The following GIT2 variants were observed in gnomAD, a reference collection of about 807,000 sequenced individuals.
The protein encoded by GIT2 is ARF GTPase-activating protein GIT2.
GIT2 carries 32 observed loss-of-function variants against 100.3 expected under a neutral mutation model. That is an observed-to-expected ratio of 0.32 (90% confidence interval 0.24 to 0.43). The LOEUF is 0.43. Ranked by LOEUF, GIT2 falls within the 20% of genes least tolerant of loss-of-function variation. GIT2 has a pLI of 1.00. For missense variants in GIT2, 737 were observed against 975.1 expected (o/e 0.76, Z 3.25); for synonymous variants, 353 against 364.1 (o/e 0.97, Z 0.35).
At chr12:109,968,789 C>T (rs527914343) in intron 7 of GIT2, among the ~76,000 whole-genome samples, 3 of 151,400 alleles carry the variant, frequency 2.0e-5, no homozygotes, top group Non-Finnish European at 2.9e-5. Flanking sequence ...GCGTGGATCT[C>T]GGCTCACTGG....
chr12:109,956,655 C>G (rs1879560988), intron 12 of GIT2, among the ~76,000 whole-genome samples: 1 of 152,184 alleles, frequency 6.6e-6, no homozygotes, highest in Non-Finnish European at 1.5e-5. Flanking sequence ...GGTATACTCA[C>G]TTGTACACAC....
rs1872183695 is a variant in GIT2 at position 109,933,707 on chromosome 12, T to A, written c.2067+315A>T. 1 of 277,316 alleles carries A rather than the reference T, an allele frequency of 3.6e-6. No homozygotes were observed. The highest frequency in any genetic ancestry group is 2.2e-5 in the African/African-American group (1 of 45,158). 17.2% of individuals were successfully genotyped at this position (277,316 alleles called of 1,614,324 possible). A position where few individuals can be genotyped will look rare whatever the true frequency, so the allele number is the denominator to read the frequency against. Reference sequence around the variant, plus strand: ...ACCTCCGCCTCCTGGGTTCAAGCGATTCTCCTGCTTCAGCCTCCTGAGTAG... The same window carrying A: ...ACCTCCGCCTCCTGGGTTCAAGCGAATCTCCTGCTTCAGCCTCCTGAGTAG... On this transcript the variant is annotated intron_variant, in intron 19 of 19. Transcript: ENST00000355312. The surrounding 1 kb of genome is among the most constrained non-coding windows in gnomAD (Gnocchi z 4.5).
chr12:109,993,408 G>C (rs536514669), intron 1 of GIT2, among the ~76,000 whole-genome samples: 2 of 152,254 alleles, frequency 1.3e-5, no homozygotes, highest in South Asian at 4.1e-4. Flanking sequence ...ACCATATAAT[G>C]AAAAGTTATG....
rs758166063 is a variant in GIT2, at chr12:109,945,270, C to G, written c.1721G>C (p.Ser574Thr). The G allele has an allele frequency of 6.5e-7, 1 of 1,543,424 alleles. No homozygotes were observed. ...PSTLSWSRDE[S>T]ARRASRLEKQ... ...CAGAATGTACTTAACCCTTCGGGCG[C>G]TTTCGTCCCTCGACCAGGAAAGTGT... The change falls in exon 16 of 20, where the codon AGC becomes ACC. Residue 574 changes from serine to threonine, a missense_variant. Physicochemically the swap from Ser to Thr is moderately conservative, Grantham distance 58. Around this residue, in one of 3 missense-constraint regions of GIT2, gnomAD observed 451 missense variants for 543.7 expected, o/e 0.83. Coordinates refer to ENST00000355312, the MANE Select transcript of GIT2 (RefSeq NM_057169.5).
intron 1 of GIT2, 70 bp downstream of exon 1, chr12:109,996,103 G>A: frequency 9.9e-7 from 1 of 1,010,558 alleles, no homozygotes; most frequent in Non-Finnish European, 1.4e-6. Flanking sequence ...CCTGACCTGA[G>A]GGGGCGGCCC....
At chr12:109,998,872 C>T (rs1889779596), upstream of GIT2, 1 of 152,200 alleles carries the variant, frequency 6.6e-6, no homozygotes, top group African/African-American at 2.4e-5. Context: ...CAGCATCCTA[C>T]AAGGACCGGA....
upstream of GIT2, chr12:109,998,664 T>TA (rs1485666717): frequency 6.6e-6 from 1 of 152,174 alleles, no homozygotes; most frequent in Non-Finnish European, 1.5e-5. Flanking sequence ...AAAGCTAGCT[T>TA]AAAAATGACA....
chr12:109,959,710 A>T (rs939520017), intron 12 of GIT2, 137 bp downstream of exon 12: 14 of 626,988 alleles, frequency 2.2e-5, no homozygotes, highest in Non-Finnish European at 4.0e-5. Flanking sequence ...CGGAACTTAA[A>T]GTAAAAAAAC....
intron 4 of GIT2, among the ~76,000 whole-genome samples, chr12:109,984,349 C>T (rs1247818433): frequency 1.3e-5 from 2 of 151,866 alleles, no homozygotes; most frequent in Non-Finnish European, 2.9e-5. Flanking sequence ...GCAGTGGAGG[C>T]TGCAGTGAGC....
intron 12 of GIT2, among the ~76,000 whole-genome samples, chr12:109,956,753 A>T (rs1324209882): frequency 6.6e-6 from 1 of 152,208 alleles, no homozygotes; most frequent in Non-Finnish European, 1.5e-5. Flanking sequence ...ATGGTGGCTC[A>T]TGCCTGTAAT....
chr12:109,976,657 C>T (rs567868713), intron 7 of GIT2, among the ~76,000 whole-genome samples: 3 of 149,346 alleles, frequency 2.0e-5, no homozygotes, highest in Non-Finnish European at 4.4e-5. Flanking sequence ...GGCACGATCT[C>T]GGCTCACTGT....
rs541494485 is a variant in GIT2 at position 109,996,264 on chromosome 12, G to A, written c.-40C>T. ...ACCTGCGGGGAACTAGAGGCCGGGG[G>A]ACAGCAAAGGCGGCGGTGGCGGCGG... is the stretch of plus-strand genomic sequence containing the variant. On this transcript the variant is annotated 5_prime_UTR_variant, in exon 1 of 20. Coordinates refer to ENST00000355312, the MANE Select transcript of GIT2 (RefSeq NM_057169.5). 98 of 1,433,970 alleles carry A rather than the reference G, an allele frequency of 6.8e-5. No homozygotes were observed. The South Asian group carries it at 1.1e-3, about 17-fold the overall frequency. The allele number at this position is 1,433,970 out of a possible 1,614,324, so 88.8% of individuals were successfully genotyped here.
At chr12:109,980,886 T>C (rs1348813071) in intron 7 of GIT2, 66 bp downstream of exon 7, 2 of 931,910 alleles carry the variant, frequency 2.1e-6, no homozygotes, top group South Asian at 1.3e-5. Flanking sequence ...ACAAATAGTG[T>C]CCCAACTTGT....
chr12:109,992,707 T>C (rs1888651969), intron 1 of GIT2, among the ~76,000 whole-genome samples: 1 of 152,182 alleles, frequency 6.6e-6, no homozygotes, highest in African/African-American at 2.4e-5. Flanking sequence ...AGTCTCACTC[T>C]GTCCCCTAGG....
chr12:109,938,480 G>T lies in GIT2; in HGVS notation c.1903C>A (p.Pro635Thr). 1 of 1,613,706 alleles carries T rather than the reference G, an allele frequency of 6.2e-7. No individual in the cohort carries two copies. Among genetic ancestry groups the T allele is most frequent in the Non-Finnish European group, 8.5e-7 (1 of 1,179,672 alleles). ...DTAEPHVAPS[P>T]TLPSTEDVIR... ...ACATCTTCGGTGCTAGGGAGAGTGG[G>T]GCTTGGGGCCACATGGGGTTCTGCT... is the stretch of plus-strand genomic sequence containing the variant. The change falls in exon 18 of 20, where the codon CCC becomes ACC. Residue 635 changes from proline (P) to threonine (T), a missense_variant. Pro to Thr is a conservative substitution (Grantham distance 38). This residue lies in a region of GIT2 where 451 missense variants were observed against 543.7 expected (regional missense o/e 0.83). Coordinates refer to ENST00000355312, the MANE Select transcript of GIT2 (RefSeq NM_057169.5).
At chr12:109,966,933 T>G (rs1488612680) in intron 8 of GIT2, among the ~76,000 whole-genome samples, 1 of 152,202 alleles carries the variant, frequency 6.6e-6, no homozygotes, top group Non-Finnish European at 1.5e-5. Flanking sequence ...AAAAACAATA[T>G]TTCATAACGT....
intron 16 of GIT2, chr12:109,940,603 G>C (rs930966911): frequency 6.6e-6 from 1 of 152,176 alleles, no homozygotes; most frequent in Admixed American, 6.5e-5. Context: ...TACATGGCCA[G>C]GTGCGGTGGC....
intron 15 of GIT2, among the ~76,000 whole-genome samples, chr12:109,946,035 G>A (rs1019076414): frequency 1.3e-5 from 2 of 152,112 alleles, no homozygotes; most frequent in Non-Finnish European, 2.9e-5. Flanking sequence ...TCAGGAGGCT[G>A]AGGCAGGAGA....
Position 109,948,796 on chromosome 12 carries a change from T to C in GIT2, c.1393-1292A>G. 1.3e-6 allele frequency: 2 copies of C among 1,598,476 alleles called. No individual in the cohort carries two copies. The highest frequency in any genetic ancestry group is 1.7e-6 in the Non-Finnish European group (2 of 1,174,862). Reference sequence around the variant, plus strand: ...TTAGAAAGCACCAATCTGTGAAAAATACACCAATAGTAGTTGCTCCTCTTC... The same window carrying C: ...TTAGAAAGCACCAATCTGTGAAAAACACACCAATAGTAGTTGCTCCTCTTC... On this transcript the variant is annotated intron_variant, in intron 14 of 19. Coordinates refer to ENST00000355312, the MANE Select transcript of GIT2 (RefSeq NM_057169.5). This position sits in a 1 kb window ranked among gnomAD's most constrained non-coding sequence, Gnocchi z 4.3.
Sources: allele counts gnomAD v4.1 joint callset (sites outside exome capture counted in the v4.1 genomes callset), GRCh38; gene constraint gnomAD v4.1.1; regional missense constraint gnomAD v4.1.1; non-coding constraint Gnocchi (gnomAD v3.1); transcripts MANE v1.5; gene names NCBI Gene and HGNC (gene_info 2026-07-23, HGNC 2026-07-21).